The following ERCC4 variants were observed in gnomAD, a reference collection of about 807,000 sequenced individuals.
ERCC4 encodes the protein ERCC excision repair 4, endonuclease catalytic subunit.
ERCC4 carries 65 observed loss-of-function variants against 76.9 expected under a neutral mutation model. That is an observed-to-expected ratio of 0.84 (90% CI 0.69 to 1.04). The LOEUF (loss-of-function observed/expected upper bound fraction) is 1.04. Ranked by LOEUF, ERCC4 falls within the 50% of genes least tolerant of loss-of-function variation. The pLI, the probability that ERCC4 is intolerant of heterozygous loss-of-function variation, is 0.00. For missense variants in ERCC4, 1,214 were observed against 1,128.2 expected, an observed-to-expected ratio of 1.08 and a Z score of -1.09; for synonymous variants, 463 against 410.1, an observed-to-expected ratio of 1.13 and a Z score of -1.56.
At chr16:13,922,733 T>C (rs1198985710) in intron 2 of ERCC4, 6 of 347,686 alleles carry the variant, frequency 1.7e-5, no homozygotes, top group Non-Finnish European at 2.7e-5. Flanking sequence ...TTTGTCTGTC[T>C]CCTCTGCTGA....
intron 9 of ERCC4, among the ~76,000 whole-genome samples, chr16:13,939,430 TAAAAG>T (rs2032370540): frequency 6.6e-6 from 1 of 151,938 alleles, no homozygotes; most frequent in African/African-American, 2.4e-5. Context: ...GCTGCAAAGG[TAAAAG>T]AAGAGGGTGT....
At position 13,922,096 on chromosome 16, in the gene ERCC4, A is replaced by C; in HGVS notation, c.273A>C (p.Glu91Asp). ...VEHLPRRVTN[E>D]ITSNSRYEVY... ...ACCTCCCTCGCCGTGTAACAAATGA[A>C]ATCACAAGCAACAGTCGCTATGAAG... The change falls in exon 2 of 11, where the codon GAA becomes GAC. Residue 91 changes from glutamate to aspartate, a missense_variant. Physicochemically the swap from Glu to Asp is conservative, Grantham distance 45. Transcript: ENST00000311895. 1.9e-6 allele frequency: 3 copies of C among 1,613,828 alleles called. No homozygotes were observed. The highest frequency in any genetic ancestry group is 2.5e-6 in the Non-Finnish European group (3 of 1,179,766).
chr16:13,921,111 G>T (rs1328736213), intron 1 of ERCC4, among the ~76,000 whole-genome samples: 1 of 152,112 alleles, frequency 6.6e-6, no homozygotes, highest in Admixed American at 6.5e-5. Context: ...ACAGTGATGA[G>T]GATGGAAGAT....
intron 5 of ERCC4, chr16:13,931,877 C>T (rs1401316239): frequency 1.0e-5 from 4 of 384,074 alleles, no homozygotes; most frequent in Admixed American, 4.2e-5. Flanking sequence ...GAAATGTCAA[C>T]GCAGTGAAAA....
chr16:13,927,827 T>G, intron 3 of ERCC4: 1 of 558,728 alleles, frequency 1.8e-6, no homozygotes, highest in Admixed American at 3.0e-5. Flanking sequence ...GCTGACCCTT[T>G]CCTTATCTGA....
At position 13,920,299 on chromosome 16, in the gene ERCC4, T is replaced by A; in HGVS notation, c.134T>A (p.Leu45His). The A allele has an allele frequency of 6.2e-7, 1 of 1,603,604 alleles. No individual in the cohort carries two copies. The highest frequency in any genetic ancestry group is 1.1e-5 in the South Asian group (1 of 90,974). The change falls in exon 1 of 11, where the codon CTC becomes CAC. Residue 45 changes from leucine (L) to histidine (H), a missense_variant. Physicochemically the swap from Leu to His is moderately conservative, Grantham distance 99. Coordinates refer to ENST00000311895, the MANE Select transcript of ERCC4 (RefSeq NM_005236.3). ...CGCGGGCTCGGCGCGGACCGGCTCC[T>A]CTACCACTTTCTCCAGCTGCACTGC... is the stretch of plus-strand genomic sequence containing the variant. ...CARGLGADRL[L>H]YHFLQLHCHP...
intron 2 of ERCC4, among the ~76,000 whole-genome samples, chr16:13,925,091 C>T (rs888644993): frequency 6.6e-6 from 1 of 152,190 alleles, no homozygotes; most frequent in Non-Finnish European, 1.5e-5. Flanking sequence ...TAAGTTGCTT[C>T]CCTTCCTTGG....
intron 4 of ERCC4, among the ~76,000 whole-genome samples, chr16:13,929,996 T>C (rs2032143353): frequency 6.6e-6 from 1 of 152,164 alleles, no homozygotes; most frequent in Non-Finnish European, 1.5e-5. Flanking sequence ...ACTTAGTCCA[T>C]TGTTAATTTA....
In ERCC4 at chr16:13,935,720, G is replaced by A. The variant is rs374303503; in HGVS notation, c.1788G>A (p.Ala596=). Residue 596 remains alanine (A), a synonymous_variant, in exon 8 of 11, where the codon GCG becomes GCA. Coordinates refer to ENST00000311895, the MANE Select transcript of ERCC4 (RefSeq NM_005236.3). ...TTCGGCAGCTTGAAATTTACAGGGCGAGTAGGCCTGGGAAACCTCTGAGGC... is the reference window on the plus strand; with the variant it reads ...TTCGGCAGCTTGAAATTTACAGGGCAAGTAGGCCTGGGAAACCTCTGAGGC... ...TFVRQLEIYR[A]SRPGKPLRVY... The A allele has an allele frequency of 1.9e-6, 3 of 1,613,728 alleles. No individual in the cohort carries two copies. Among genetic ancestry groups the A allele is most frequent in the South Asian group, 1.1e-5 (1 of 91,074 alleles).
At chr16:13,941,735 A>C (rs563803333) in intron 9 of ERCC4, among the ~76,000 whole-genome samples, 1 of 152,340 alleles carries the variant, frequency 6.6e-6, no homozygotes, top group East Asian at 1.9e-4. Context: ...TAACATCCTC[A>C]GTATACATAG....
In ERCC4 at chr16:13,949,784, T is replaced by A. The variant is rs2032596414; in HGVS notation, c.*1437T>A. ...TATTAAGTTGGCTTTTGTTCACATG[T>A]TGAGTAATGGGTAGTAAATTTTCTA... On this transcript the variant is annotated 3_prime_UTR_variant, in exon 11 of 11. Transcript: ENST00000311895. 2 of 231,960 alleles carry A rather than the reference T, an allele frequency of 8.6e-6. No individual in the cohort carries two copies. The highest frequency in any genetic ancestry group is 4.4e-5 in the African/African-American group (2 of 45,292). 14.4% of individuals were successfully genotyped at this position (231,960 alleles called of 1,614,324 possible). A position where few individuals can be genotyped will look rare whatever the true frequency, so the allele number is the denominator to read the frequency against.
chr16:13,931,918 G>T, intron 5 of ERCC4: 1 of 505,128 alleles, frequency 2.0e-6, no homozygotes, highest in Non-Finnish European at 3.5e-6. Flanking sequence ...ATTGTTACGA[G>T]AAAAGTTCTG....
intron 10 of ERCC4, among the ~76,000 whole-genome samples, chr16:13,945,490 G>GA (rs2032496407): frequency 6.6e-6 from 1 of 152,210 alleles, no homozygotes; most frequent in Admixed American, 6.5e-5. Flanking sequence ...GGTGGCATGA[G>GA]AAAAGCAATA....
At chr16:13,944,926 A>G in intron 10 of ERCC4, 91 bp downstream of exon 10, 3 of 819,404 alleles carry the variant, frequency 3.7e-6, no homozygotes, top group Non-Finnish European at 4.2e-6. Context: ...GTCTGTATTA[A>G]CAAACTCTTA....
Position 13,935,649 on chromosome 16 carries a change from G to A in ERCC4, c.1717G>A (p.Val573Met), listed in dbSNP as rs1302617226. Residue 573 changes from valine (V) to methionine (M), a missense_variant, in exon 8 of 11, where the codon GTG (valine) becomes ATG (methionine). Physicochemically the swap from Val to Met is conservative, Grantham distance 21. Coordinates refer to ENST00000311895, the MANE Select transcript of ERCC4 (RefSeq NM_005236.3). The stretch of plus-strand genomic sequence containing the variant: ...TGCTCTGACAAGGGTACTACATGAA[G>A]TGGAGCCAAGATACGTGGTTCTTTA... ...PYALTRVLHEVEPRYVVLYDA... is the reference protein window; with the variant it reads ...PYALTRVLHEMEPRYVVLYDA... 6.2e-7 allele frequency: 1 copy of A among 1,614,120 alleles called. No homozygotes were observed. Among genetic ancestry groups the A allele is most frequent in the South Asian group, 1.1e-5 (1 of 91,078 alleles).
chr16:13,939,335 T>C (rs766104886), intron 9 of ERCC4, among the ~76,000 whole-genome samples: 9 of 152,120 alleles, frequency 5.9e-5, no homozygotes, highest in Non-Finnish European at 1.2e-4. Context: ...GCCTCTGCCC[T>C]CCTGGAACTT....
At chr16:13,945,667 C>A (rs537821376) in intron 10 of ERCC4, among the ~76,000 whole-genome samples, 1 of 152,116 alleles carries the variant, frequency 6.6e-6, no homozygotes, top group African/African-American at 2.4e-5. Context: ...GCCAGCAGCT[C>A]GGGGGCTTCT....
Position 13,948,404 on chromosome 16 carries a change from AC to A in ERCC4, c.*58del. 1.9e-6 allele frequency: 3 copies of A among 1,556,746 alleles called. No individual in the cohort carries two copies. The highest frequency in any genetic ancestry group is 2.6e-6 in the Non-Finnish European group (3 of 1,140,228). On this transcript the variant is annotated 3_prime_UTR_variant, in exon 11 of 11. Transcript: ENST00000311895. ...GTACTTTTCAGCGGCTCCTTGCCAG[AC>A]ATCATAGGTCATTATTAATTATTGG...
At chr16:13,944,415 GC>G (rs1187406595) in intron 9 of ERCC4, among the ~76,000 whole-genome samples, 32 of 151,824 alleles carry the variant, frequency 2.1e-4, no homozygotes, top group Non-Finnish European at 3.5e-4. Context: ...TTTACATGTG[GC>G]ATTTTTTGAC....
Sources: gnomAD v4.1 joint callset for allele counts (sites outside exome capture counted in the v4.1 genomes callset) on GRCh38, gnomAD v4.1.1 for gene constraint, MANE v1.5 for transcripts, NCBI Gene and HGNC (gene_info 2026-07-23, HGNC 2026-07-21) for gene names.